The following MYO9A variants were observed in gnomAD, a reference collection of about 807,000 sequenced individuals.
MYO9A encodes the protein myosin IXA, also known as unconventional myosin-IXa.
Under a neutral mutation model 293.3 loss-of-function variants are expected in MYO9A, and 103 were observed. That is an observed-to-expected ratio of 0.35 (90% CI 0.30 to 0.41). MYO9A has a LOEUF of 0.41. MYO9A is among the 10% of genes least tolerant of loss of function. MYO9A has a pLI of 1.00. For missense variants in MYO9A, 2,685 were observed against 3,033.0 expected (o/e 0.89, Z 2.69); for synonymous variants, 1,001 against 1,035.7 (o/e 0.97, Z 0.64).
chr15:71,870,757 A>G (rs2056484252), intron 32 of MYO9A, among the ~76,000 whole-genome samples: 1 of 152,204 alleles, frequency 6.6e-6, no homozygotes, highest in African/African-American at 2.4e-5. Flanking sequence ...TGCCTAATAC[A>G]ATGCCTATAC....
chr15:71,982,005 A>ATTTTTTTTTTTTT (rs750930471), intron 11 of MYO9A, among the ~76,000 whole-genome samples: 1 of 56,308 alleles, frequency 1.8e-5, no homozygotes, highest in Non-Finnish European at 2.9e-5. Flanking sequence ...CCTATTTAGA[A>ATTTTTTTTTTTTT]TTTTTTTTTT....
chr15:71,830,279 T>A lies in MYO9A; in HGVS notation c.6870A>T (p.Pro2290=), dbSNP rs1382280714. ...GKGRIRRGNY[P]GPSSPVVVRL... is the part of the protein sequence containing the mutation. ...GAACTACAACAGGAGACGATGGACC[T>A]GGATAGTTTCCTCGACGAATACGCC... is the stretch of plus-strand genomic sequence containing the variant. Residue 2290 remains proline, a synonymous_variant, in exon 40 of 42, where the codon CCA becomes CCT. Coordinates refer to ENST00000356056, the MANE Select transcript of MYO9A (RefSeq NM_006901.4). The A allele has an allele frequency of 6.2e-7, 1 of 1,613,688 alleles. No homozygotes were observed. Among genetic ancestry groups the A allele is most frequent in the Non-Finnish European group, 8.5e-7 (1 of 1,179,934 alleles).
At chr15:71,973,128 C>G (rs1297377552) in intron 12 of MYO9A, among the ~76,000 whole-genome samples, 1 of 152,128 alleles carries the variant, frequency 6.6e-6, no homozygotes, top group Non-Finnish European at 1.5e-5. Context: ...GCCTCAAAGC[C>G]ACCCTCCAAG....
chr15:72,090,179 T>G (rs975469994), intron 1 of MYO9A, among the ~76,000 whole-genome samples: 1 of 152,220 alleles, frequency 6.6e-6, no homozygotes, highest in Admixed American at 6.5e-5. Flanking sequence ...ATCCTAAATA[T>G]TCAAGTTTTC....
chr15:71,903,105 G>C, intron 21 of MYO9A, 42 bp from the exon 22 acceptor site: 1 of 1,512,206 alleles, frequency 6.6e-7, no homozygotes, highest in Non-Finnish European at 9.1e-7. Flanking sequence ...AGAAAACAGT[G>C]TATGTAAACA....
intron 28 of MYO9A, among the ~76,000 whole-genome samples, chr15:71,883,330 G>C (rs80167367): frequency 0.032 from 4,903 of 152,180 alleles, 279 homozygotes; most frequent in African/African-American, 0.11. Context: ...TTTTAGTTTA[G>C]AAAATTAAGG....
chr15:71,869,979 T>C (rs1028052737), intron 32 of MYO9A, among the ~76,000 whole-genome samples: 2 of 152,222 alleles, frequency 1.3e-5, no homozygotes, highest in African/African-American at 4.8e-5. Context: ...TATCTGGGCA[T>C]GTGACAATCT....
In MYO9A at chr15:71,916,400, T is replaced by A. The variant is rs1349336330; in HGVS notation, c.2655A>T (p.Lys885Asn). The A allele has an allele frequency of 4.3e-6, 7 of 1,613,494 alleles. No homozygotes were observed. The highest frequency in any genetic ancestry group is 5.9e-6 in the Non-Finnish European group (7 of 1,179,826). Reference protein sequence around the residue: ...TKSLLHLHKKKKPPSISAQFQ... With the variant: ...TKSLLHLHKKNKPPSISAQFQ... Reference sequence around the variant, plus strand: ...ACTGGGCACTGATGCTGGGAGGTTTTTTCTTCTTGTGTAAATGAAGAAGAG... The same window carrying A: ...ACTGGGCACTGATGCTGGGAGGTTTATTCTTCTTGTGTAAATGAAGAAGAG... Residue 885 changes from lysine (K) to asparagine (N), a missense_variant, in exon 19 of 42, where the codon AAA (lysine) becomes AAT (asparagine). This residue lies in a region of MYO9A where 1,434 missense variants were observed against 1,497.7 expected (regional missense o/e 0.96). Coordinates refer to ENST00000356056, the MANE Select transcript of MYO9A (RefSeq NM_006901.4).
chr15:72,101,653 C>T (rs1282094360), intron 1 of MYO9A, among the ~76,000 whole-genome samples: 1 of 140,496 alleles, frequency 7.1e-6, no homozygotes, highest in East Asian at 2.2e-4. Flanking sequence ...GGGGGTCAGG[C>T]CCCGCCCGGC....
chr15:71,940,570 T>G (rs1199429602), intron 15 of MYO9A, among the ~76,000 whole-genome samples: 1 of 152,024 alleles, frequency 6.6e-6, no homozygotes, highest in Non-Finnish European at 1.5e-5. Context: ...AAGTATAAAA[T>G]GTCTACATTG....
intron 7 of MYO9A, among the ~76,000 whole-genome samples, chr15:72,008,173 T>C (rs564995851): frequency 2.0e-5 from 3 of 152,330 alleles, no homozygotes; most frequent in East Asian, 1.9e-4. Flanking sequence ...ACTTCTTATA[T>C]AGTCATTTCA....
At chr15:72,105,577 G>C (rs1000519093) in intron 1 of MYO9A, among the ~76,000 whole-genome samples, 8 of 131,430 alleles carry the variant, frequency 6.1e-5, no homozygotes, top group African/African-American at 2.3e-4. Context: ...GCATGATCTT[G>C]GCTCACCGCA....
At chr15:72,004,994 C>T (rs1248510500) in intron 8 of MYO9A, among the ~76,000 whole-genome samples, 1 of 152,132 alleles carries the variant, frequency 6.6e-6, no homozygotes, top group African/African-American at 2.4e-5. Flanking sequence ...TATCTTTGTA[C>T]TCTATCTCAA....
chr15:71,938,821 G>A (rs373074858), intron 16 of MYO9A, 31 bp downstream of exon 16: 19 of 1,525,744 alleles, frequency 1.2e-5, no homozygotes, highest in African/African-American at 4.2e-5. Flanking sequence ...TCTTCTATAC[G>A]TCCTTGAAAA....
At chr15:71,894,339 G>A (rs1331424080) in intron 25 of MYO9A, among the ~76,000 whole-genome samples, 1 of 152,190 alleles carries the variant, frequency 6.6e-6, no homozygotes, top group African/African-American at 2.4e-5. Flanking sequence ...CAGTTTGGGA[G>A]GCCGAGGCAG....
intron 1 of MYO9A, among the ~76,000 whole-genome samples, chr15:72,106,979 A>G (rs1000579121): frequency 1.3e-5 from 2 of 152,234 alleles, no homozygotes; most frequent in Admixed American, 6.5e-5. Flanking sequence ...AGTTTCATTT[A>G]TTTTTGAAAC....
intron 12 of MYO9A, among the ~76,000 whole-genome samples, chr15:71,972,475 G>C (rs1008162865): frequency 2.0e-5 from 3 of 152,170 alleles, no homozygotes; most frequent in Admixed American, 2.0e-4. Context: ...TTTGAAGGTG[G>C]GGTGGGGTGC....
intron 19 of MYO9A, among the ~76,000 whole-genome samples, chr15:71,911,319 A>G (rs1411119577): frequency 6.6e-6 from 1 of 152,204 alleles, no homozygotes; most frequent in African/African-American, 2.4e-5. Context: ...CTTCAAACCA[A>G]TCAGCCTTTT....
At chr15:71,924,407 A>G (rs2058237187) in intron 18 of MYO9A, among the ~76,000 whole-genome samples, 1 of 151,970 alleles carries the variant, frequency 6.6e-6, no homozygotes, top group South Asian at 2.1e-4. Context: ...ATGCCTGGCT[A>G]AATTTTTTGT....
Sources: gnomAD v4.1 joint callset for allele counts (sites outside exome capture counted in the v4.1 genomes callset) on GRCh38, gnomAD v4.1.1 for gene constraint, gnomAD v4.1.1 regional missense constraint, MANE v1.5 for transcripts, NCBI Gene and HGNC (gene_info 2026-07-23, HGNC 2026-07-21) for gene names.